The following GPM6A variants were observed in gnomAD, a reference collection of about 807,000 sequenced individuals.
GPM6A encodes glycoprotein M6A.
A neutral mutation model predicts 32.1 loss-of-function variants in GPM6A; 7 were observed. That is an observed-to-expected ratio of 0.22 (90% CI 0.12 to 0.41). The LOEUF (loss-of-function observed/expected upper bound fraction) is 0.41. GPM6A is among the 10% of genes least tolerant of loss of function. The pLI is 1.00. For missense variants in GPM6A, 235 were observed against 347.2 expected (o/e 0.68, Z 2.57); for synonymous variants, 130 against 123.4 (o/e 1.05, Z -0.35).
chr4:175,914,768 C>T (rs1012040511), intron 1 of GPM6A, among the ~76,000 whole-genome samples: 1 of 152,120 alleles, frequency 6.6e-6, no homozygotes, highest in African/African-American at 2.4e-5. Context: ...GATCCGTAGC[C>T]TTCTATCTTG....
chr4:175,758,083 G>A (rs1409506441), intron 1 of GPM6A, among the ~76,000 whole-genome samples: 5 of 152,140 alleles, frequency 3.3e-5, no homozygotes, highest in African/African-American at 1.2e-4. Context: ...TCTGCCAGTT[G>A]TGGCCCTTCA....
chr4:175,686,331 A>G (rs1171066988), intron 2 of GPM6A, among the ~76,000 whole-genome samples: 1 of 152,180 alleles, frequency 6.6e-6, no homozygotes, highest in East Asian at 1.9e-4. Flanking sequence ...AATACTTCCT[A>G]ATCCCTGACA....
At chr4:175,830,996 A>T (rs1332503563) in intron 1 of GPM6A, among the ~76,000 whole-genome samples, 1 of 151,590 alleles carries the variant, frequency 6.6e-6, no homozygotes, top group Non-Finnish European at 1.5e-5. Context: ...AGTTTATTTG[A>T]CTCCTTTATC....
At chr4:175,651,014 AG>A (rs1481174539) in intron 4 of GPM6A, among the ~76,000 whole-genome samples, 1 of 152,180 alleles carries the variant, frequency 6.6e-6, no homozygotes, top group Non-Finnish European at 1.5e-5. Flanking sequence ...TTCCACTTCC[AG>A]CTCAGTACTA....
Position 175,673,673 on chromosome 4 carries a change from A to G in GPM6A, c.387+7T>C. On this transcript the variant is annotated splice_region_variant and intron_variant, in intron 3 of 6. Transcript: ENST00000393658. ...CATTAAATACTGAATGTAGAGAACT[A>G]ACATACCCAAGCGCTCACACATCTG... 1.9e-6 allele frequency: 3 copies of G among 1,600,732 alleles called. No homozygotes were observed. The South Asian group carries it at 3.3e-5, about 18-fold the overall frequency.
rs149058662 is a variant in GPM6A at position 175,798,887 on chromosome 4, T to G, written c.37+13304A>C. On this transcript the variant is annotated intron_variant, in intron 1 of 6. Coordinates refer to ENST00000393658, the MANE Select transcript of GPM6A (RefSeq NM_201591.3). ...CAAGGGAAATGTAAAATGCATTTTTTATATTGCACCAAAAGAGGTATTCAG... is the reference window on the plus strand; with the variant it reads ...CAAGGGAAATGTAAAATGCATTTTTGATATTGCACCAAAAGAGGTATTCAG... 1.4e-3 allele frequency among the ~76,000 whole-genome samples: 210 copies of G among 152,356 alleles called. No homozygotes were observed. The Middle Eastern group carries it at 0.024, about 17-fold the overall frequency.
intron 1 of GPM6A, among the ~76,000 whole-genome samples, chr4:175,775,574 A>C (rs1269350762): frequency 2.6e-5 from 4 of 151,670 alleles, no homozygotes; most frequent in African/African-American, 9.7e-5. Flanking sequence ...AAATCAAGTA[A>C]AAAAAAATGG....
chr4:175,848,458 T>C (rs552404513), intron 1 of GPM6A, among the ~76,000 whole-genome samples: 1 of 152,272 alleles, frequency 6.6e-6, no homozygotes, highest in African/African-American at 2.4e-5. Context: ...TGTCTTACAG[T>C]GTTTAAAATC....
At chr4:175,945,761 C>T (rs544232091) in intron 1 of GPM6A, among the ~76,000 whole-genome samples, 36 of 150,042 alleles carry the variant, frequency 2.4e-4, no homozygotes, top group Middle Eastern at 3.6e-3. Context: ...CTCAGTAATA[C>T]GGGTGCATAT....
chr4:175,943,339 C>T lies in GPM6A; in HGVS notation c.-23+58970G>A, dbSNP rs149986842. ...TGTCATCTGCAAAGAGACAATTTGA[C>T]TTCCTCTATTCCTATTTGAATACCT... On this transcript the variant is annotated intron_variant, in intron 1 of 7. Transcript: ENST00000280187. 3.8e-3 allele frequency among the ~76,000 whole-genome samples: 585 copies of T among 152,310 alleles called. 6 individuals are homozygous for T. Among genetic ancestry groups the T allele is most frequent in the African/African-American group, 0.014 (566 of 41,566 alleles).
chr4:175,679,508 A>G (rs1290092661), intron 2 of GPM6A, among the ~76,000 whole-genome samples: 3 of 152,144 alleles, frequency 2.0e-5, no homozygotes, highest in African/African-American at 7.2e-5. Context: ...CCAAGCAAAC[A>G]TCTTGCTCCC....
chr4:175,727,121 A>G (rs928636197), intron 1 of GPM6A, among the ~76,000 whole-genome samples: 1 of 152,224 alleles, frequency 6.6e-6, no homozygotes, highest in Admixed American at 6.5e-5. Context: ...GAAATTCTAT[A>G]CTACATTTCA....
intron 1 of GPM6A, among the ~76,000 whole-genome samples, chr4:175,880,933 G>A (rs1737253280): frequency 6.6e-6 from 1 of 152,110 alleles, no homozygotes; most frequent in Admixed American, 6.6e-5. Context: ...TTGAATAGGA[G>A]TGGTGACAGA....
intron 3 of GPM6A, among the ~76,000 whole-genome samples, chr4:175,667,501 TG>T (rs1376041170): frequency 5.9e-5 from 9 of 152,136 alleles, no homozygotes; most frequent in African/African-American, 2.2e-4. Context: ...AATGGGATAC[TG>T]AAACAGGAAA....
chr4:175,908,734 T>C (rs567503772), intron 1 of GPM6A, among the ~76,000 whole-genome samples: 1 of 152,256 alleles, frequency 6.6e-6, no homozygotes, highest in African/African-American at 2.4e-5. Context: ...GCTATTTTTA[T>C]GTAGAACTAT....
intron 1 of GPM6A, among the ~76,000 whole-genome samples, chr4:175,721,534 G>A (rs750615850): frequency 2.0e-5 from 3 of 151,940 alleles, no homozygotes; most frequent in East Asian, 1.9e-4. Context: ...GGTAAGGGGC[G>A]AAGGACTGGT....
chr4:175,660,671 G>T (rs933218149), intron 3 of GPM6A, among the ~76,000 whole-genome samples: 4 of 152,068 alleles, frequency 2.6e-5, no homozygotes, highest in Admixed American at 1.3e-4. Context: ...ATAAAACAGG[G>T]TAACCACGGG....
chr4:175,714,368 C>CT (rs1466179719), intron 1 of GPM6A, among the ~76,000 whole-genome samples: 1 of 152,056 alleles, frequency 6.6e-6, no homozygotes, highest in Non-Finnish European at 1.5e-5. Flanking sequence ...AATATCAAGA[C>CT]TTTTTTATTT....
chr4:175,743,752 C>G (rs1031998131), intron 1 of GPM6A, among the ~76,000 whole-genome samples: 4 of 151,734 alleles, frequency 2.6e-5, no homozygotes, highest in African/African-American at 9.7e-5. Context: ...TCAAAGTAAA[C>G]ATTAAGACAA....
Sources: allele counts gnomAD v4.1 joint callset (sites outside exome capture counted in the v4.1 genomes callset), GRCh38; gene constraint gnomAD v4.1.1; transcripts MANE v1.5; gene names NCBI Gene and HGNC (gene_info 2026-07-23, HGNC 2026-07-21).